IKZF3: variants seen among roughly 807,000 people sequenced by gnomAD.
IKZF3 encodes the protein zinc finger protein Aiolos.
IKZF3 carries 10 observed loss-of-function variants against 49.0 expected under a neutral mutation model. That is an observed-to-expected ratio of 0.20 (90% CI 0.13 to 0.35). The LOEUF is 0.35. Among genes scored for constraint, IKZF3 ranks in the 10% least tolerant of loss-of-function variants. The probability of loss-of-function intolerance (pLI) is 1.00; values close to 1 mark genes in which losing one functional copy is unlikely to be tolerated. For synonymous variants in IKZF3, 209 were observed against 228.2 expected (o/e 0.92, Z 0.76); for missense variants, 498 against 664.8 (o/e 0.75, Z 2.76).
At chr17:39,808,873 A>C (rs975987230) in intron 3 of IKZF3, among the ~76,000 whole-genome samples, 2 of 152,220 alleles carry the variant, frequency 1.3e-5, no homozygotes, top group Non-Finnish European at 2.9e-5. Flanking sequence ...TGGACCATTA[A>C]GTAGTGTTTG....
At chr17:39,788,496 A>ATT (rs1419818510) in intron 5 of IKZF3, 122 bp from the exon 6 acceptor site, 13 of 645,624 alleles carry the variant, frequency 2.0e-5, no homozygotes, top group African/African-American at 2.0e-4. Context: ...GAGTATTTGG[A>ATT]TACTTTTGAA....
At position 39,853,093 on chromosome 17, in the gene IKZF3, T is replaced by G. The variant is rs551121220; in HGVS notation, c.7+11027A>C. 7.4e-4 allele frequency among the ~76,000 whole-genome samples: 113 copies of G among 152,290 alleles called. 1 individual carries two copies. The highest frequency in any genetic ancestry group is 2.3e-3 in the Admixed American group (35 of 15,284). On this transcript the variant is annotated intron_variant, in intron 1 of 7. Transcript: ENST00000346872. ...CTGCCTCCTTCCATTACTCTCCAAA[T>G]TAGCATTCTTTTTATTTCCTTCATA... is the stretch of plus-strand genomic sequence containing the variant.
chr17:39,815,521 T>C (rs1358194116), intron 3 of IKZF3, among the ~76,000 whole-genome samples: 1 of 152,222 alleles, frequency 6.6e-6, no homozygotes, highest in African/African-American at 2.4e-5. Context: ...GCAACAATAA[T>C]ATTCTTTCTC....
chr17:39,823,230 C>A (rs1324313851), intron 3 of IKZF3, among the ~76,000 whole-genome samples: 2 of 152,114 alleles, frequency 1.3e-5, no homozygotes, highest in African/African-American at 4.8e-5. Flanking sequence ...GGAACTGGAG[C>A]AAAGGTAACT....
At position 39,759,447 on chromosome 17, in the gene IKZF3, A is replaced by T. The variant is rs2060131381; in HGVS notation, c.*6343T>A. 1 of 152,072 alleles carries T rather than the reference A, an allele frequency of 6.6e-6. No individual in the cohort carries two copies. Among genetic ancestry groups the T allele is most frequent in the Non-Finnish European group, 1.5e-5 (1 of 67,996 alleles). The allele number at this position is 152,072 out of a possible 1,614,324, so 9.4% of individuals were successfully genotyped here. On this transcript the variant is annotated 3_prime_UTR_variant, in exon 8 of 8. Transcript: ENST00000346872. Reference sequence around the variant, plus strand: ...TCAAAAAGAAAAAAAAAAAGAGGAAACTTGTATCCAATTTATTCAAACTGC... The same window carrying T: ...TCAAAAAGAAAAAAAAAAAGAGGAATCTTGTATCCAATTTATTCAAACTGC...
chr17:39,832,248 T>A, intron 1 of IKZF3, 97 bp from the exon 2 acceptor site: 1 of 791,440 alleles, frequency 1.3e-6, no homozygotes, highest in Non-Finnish European at 2.1e-6. Context: ...TCGGAAAACT[T>A]AACAGCAGAA....
chr17:39,848,360 T>C (rs1345260890), intron 1 of IKZF3, among the ~76,000 whole-genome samples: 2 of 152,252 alleles, frequency 1.3e-5, no homozygotes, highest in South Asian at 2.1e-4. Flanking sequence ...CCTTAAGTTG[T>C]AGACAAAAAC....
Position 39,763,083 on chromosome 17 carries a change from T to C in IKZF3, c.*2707A>G, listed in dbSNP as rs1420141020. 6.6e-6 allele frequency: 1 copy of C among 152,228 alleles called. No homozygotes were observed. The highest frequency in any genetic ancestry group is 1.5e-5 in the Non-Finnish European group (1 of 68,042). The allele number at this position is 152,228 out of a possible 1,614,324, so 9.4% of individuals were successfully genotyped here. On this transcript the variant is annotated 3_prime_UTR_variant, in exon 8 of 8. Transcript: ENST00000346872. ...AGCAACTCCTCTTTCACAAAGGGAA[T>C]AAGCAATCTGGCATAGCTTGGAGTC...
intron 1 of IKZF3, among the ~76,000 whole-genome samples, chr17:39,860,018 G>A (rs1198964213): frequency 6.6e-6 from 1 of 152,064 alleles, no homozygotes; most frequent in Non-Finnish European, 1.5e-5. Context: ...GATCACTTGT[G>A]GCCAAGAATT....
intron 4 of IKZF3, 152 bp from the exon 5 acceptor site, chr17:39,791,735 CTTA>C: frequency 1.3e-6 from 1 of 753,094 alleles, no homozygotes; most frequent in South Asian, 1.9e-5. Context: ...AAGCCTAAGA[CTTA>C]CTTATGAAAT....
chr17:39,811,888 C>A (rs190060249), intron 3 of IKZF3, among the ~76,000 whole-genome samples: 28 of 152,228 alleles, frequency 1.8e-4, no homozygotes, highest in Admixed American at 8.5e-4. Context: ...ACAATAACAC[C>A]CTGCCACAAT....
intron 1 of IKZF3, among the ~76,000 whole-genome samples, chr17:39,845,152 C>T (rs575731047): frequency 4.6e-5 from 7 of 152,128 alleles, no homozygotes; most frequent in Admixed American, 1.3e-4. Context: ...GTTTTTACAT[C>T]TTTAAATGGT....
intron 3 of IKZF3, among the ~76,000 whole-genome samples, 155 bp from the exon 4 acceptor site, chr17:39,793,088 C>T (rs896628599): frequency 6.6e-6 from 1 of 152,142 alleles, no homozygotes; most frequent in Non-Finnish European, 1.5e-5. Flanking sequence ...TTAGCGTGAC[C>T]GCACGTTATT....
chr17:39,807,259 A>G (rs189352699), intron 3 of IKZF3, among the ~76,000 whole-genome samples: 30 of 152,314 alleles, frequency 2.0e-4, no homozygotes, highest in African/African-American at 7.0e-4. Flanking sequence ...AATTCTAGGT[A>G]TCTGCTCAAA....
At chr17:39,857,809 GTACTAGT>G (rs1396664778) in intron 1 of IKZF3, among the ~76,000 whole-genome samples, 1 of 151,986 alleles carries the variant, frequency 6.6e-6, no homozygotes, top group Non-Finnish European at 1.5e-5. Flanking sequence ...ACTGGGTTGG[GTACTAGT>G]TACCACCGAT....
intron 1 of IKZF3, among the ~76,000 whole-genome samples, chr17:39,853,743 G>A (rs1244659962): frequency 6.6e-6 from 1 of 151,700 alleles, no homozygotes; most frequent in Non-Finnish European, 1.5e-5. Context: ...GCTGAGGTAG[G>A]AGAATCGCTT....
At chr17:39,793,006 AC>A in intron 3 of IKZF3, 73 bp from the exon 4 acceptor site, 2 of 1,430,980 alleles carry the variant, frequency 1.4e-6, no homozygotes, top group Non-Finnish European at 1.9e-6. Context: ...AACAGCAGAG[AC>A]CCACAACTGA....
At chr17:39,802,962 T>A (rs1369494241) in intron 3 of IKZF3, among the ~76,000 whole-genome samples, 1 of 152,216 alleles carries the variant, frequency 6.6e-6, no homozygotes, top group Non-Finnish European at 1.5e-5. Flanking sequence ...TTTTGCCTTA[T>A]CTGACTATCA....
In IKZF3 at chr17:39,791,504, G is replaced by A. The variant is rs1392904741; in HGVS notation, c.504C>T (p.His168=). The A allele has an allele frequency of 1.2e-6, 2 of 1,613,914 alleles. No individual in the cohort carries two copies. Among genetic ancestry groups the A allele is most frequent in the Non-Finnish European group, 1.7e-6 (2 of 1,179,988 alleles). Residue 168 remains histidine (H), a synonymous_variant, in exon 5 of 8, where the codon CAC becomes CAT. Coordinates refer to ENST00000346872, the MANE Select transcript of IKZF3 (RefSeq NM_012481.5). The stretch of plus-strand genomic sequence containing the variant: ...GACACTTAAAAGGTTTTTCCCCTGT[G>A]TGCAGTTTAATGTGGCGGAGGAGGT... The part of the protein sequence containing the change: ...KGNLLRHIKL[H]TGEKPFKCHL...
Sources: gnomAD v4.1 joint callset for allele counts (sites outside exome capture counted in the v4.1 genomes callset) on GRCh38, gnomAD v4.1.1 for gene constraint, MANE v1.5 for transcripts, NCBI Gene and HGNC (gene_info 2026-07-23, HGNC 2026-07-21) for gene names.